The following ARB2A variants were observed in gnomAD, a reference collection of about 807,000 sequenced individuals.
ARB2A encodes cotranscriptional regulator ARB2A.
chr5:93,995,615 C>T, the ARB2A span, among the ~76,000 whole-genome samples: 1 of 152,142 alleles, frequency 6.6e-6, no homozygotes, highest in Non-Finnish European at 1.5e-5. Context: ...TTAGGGGCAT[C>T]AAGTTATAGG....
At chr5:93,681,917 A>AAATG in the ARB2A span, among the ~76,000 whole-genome samples, 1 of 152,216 alleles carries the variant, frequency 6.6e-6, no homozygotes. Context: ...TCCAAATGTC[A>AAATG]AATGGTAACT....
chr5:93,769,621 G>T, the ARB2A span, among the ~76,000 whole-genome samples: 2 of 152,124 alleles, frequency 1.3e-5, no homozygotes, highest in African/African-American at 2.4e-5. Context: ...CTTATTTGAT[G>T]CAACCTAATG....
the ARB2A span, among the ~76,000 whole-genome samples, chr5:93,676,860 G>C: frequency 1.4e-4 from 21 of 152,224 alleles, no homozygotes; most frequent in African/African-American, 4.8e-4. Flanking sequence ...CACATTTTTG[G>C]TGCTCAATGA....
chr5:93,752,884 G>A, the ARB2A span, among the ~76,000 whole-genome samples: 1 of 152,008 alleles, frequency 6.6e-6, no homozygotes, highest in Non-Finnish European at 1.5e-5. Context: ...TTATAAGGTA[G>A]CATACAACAA....
At chr5:94,049,278 C>G in the ARB2A span, among the ~76,000 whole-genome samples, 5 of 152,204 alleles carry the variant, frequency 3.3e-5, no homozygotes, top group African/African-American at 4.8e-5. Flanking sequence ...AAGGCCTACT[C>G]CTTTATCCAG....
chr5:93,977,029 A>G, the ARB2A span, among the ~76,000 whole-genome samples: 2 of 152,232 alleles, frequency 1.3e-5, no homozygotes, highest in East Asian at 3.9e-4. Flanking sequence ...AAAAATCTAA[A>G]AATACATCTA....
the ARB2A span, among the ~76,000 whole-genome samples, chr5:93,731,239 A>G: frequency 6.6e-6 from 1 of 152,122 alleles, no homozygotes; most frequent in Non-Finnish European, 1.5e-5. Flanking sequence ...ATCTTTACTG[A>G]GGTAATTAGG....
the ARB2A span, among the ~76,000 whole-genome samples, chr5:94,038,845 T>C: frequency 6.6e-6 from 1 of 151,894 alleles, no homozygotes; most frequent in Non-Finnish European, 1.5e-5. Context: ...TTTGTTTAGA[T>C]TTCTGGTTGA....
chr5:94,052,041 G>A, the ARB2A span, among the ~76,000 whole-genome samples: 2 of 152,080 alleles, frequency 1.3e-5, no homozygotes, highest in Non-Finnish European at 2.9e-5. Flanking sequence ...GGCTGGTCTT[G>A]AACTCCTGAC....
At chr5:94,019,564 AATGCAAATCAAATGAG>A in the ARB2A span, among the ~76,000 whole-genome samples, 1 of 152,226 alleles carries the variant, frequency 6.6e-6, no homozygotes, top group Non-Finnish European at 1.5e-5. Flanking sequence ...TCACTAGAGA[AATGCAAATCAAATGAG>A]ATACCATCTC....
At chr5:93,912,794 C>A in the ARB2A span, among the ~76,000 whole-genome samples, 2 of 151,752 alleles carry the variant, frequency 1.3e-5, no homozygotes, top group African/African-American at 4.8e-5. Flanking sequence ...TTTTCTTCTT[C>A]ATATTCCTTA....
the ARB2A span, among the ~76,000 whole-genome samples, chr5:94,106,131 A>G: frequency 6.6e-6 from 1 of 151,904 alleles, no homozygotes; most frequent in African/African-American, 2.4e-5. Context: ...AATTGAAAAG[A>G]AAGACCTAAT....
At chr5:93,665,307 CAACT>C in the ARB2A span, among the ~76,000 whole-genome samples, 2 of 151,948 alleles carry the variant, frequency 1.3e-5, no homozygotes, top group African/African-American at 2.4e-5. Context: ...ATAAGAAAAC[CAACT>C]GAGTCACAGA....
the ARB2A span, among the ~76,000 whole-genome samples, chr5:93,772,638 C>G: frequency 6.6e-6 from 1 of 152,182 alleles, no homozygotes; most frequent in Non-Finnish European, 1.5e-5. Flanking sequence ...GGGTTTCTCA[C>G]AAGACTACAA....
the ARB2A span, among the ~76,000 whole-genome samples, chr5:94,027,507 G>A: frequency 1.3e-5 from 2 of 152,160 alleles, no homozygotes; most frequent in African/African-American, 4.8e-5. Context: ...AGGAAGGACT[G>A]GGTCTGGAGA....
At chr5:93,627,687 G>T in the ARB2A span, among the ~76,000 whole-genome samples, 1 of 152,050 alleles carries the variant, frequency 6.6e-6, no homozygotes, top group South Asian at 2.1e-4. Context: ...TGATCTGCCC[G>T]CTTTGGCTTC....
chr5:94,102,152 C>A, the ARB2A span, among the ~76,000 whole-genome samples: 4 of 149,320 alleles, frequency 2.7e-5, no homozygotes, highest in African/African-American at 9.8e-5. Context: ...AATGACTGCA[C>A]CACCTGCCAA....
At chr5:93,880,717 T>C in the ARB2A span, among the ~76,000 whole-genome samples, 1 of 151,650 alleles carries the variant, frequency 6.6e-6, no homozygotes, top group Non-Finnish European at 1.5e-5. Context: ...TCTGAATATG[T>C]CCAAGTGTAA....
chr5:94,022,676 T>C, the ARB2A span, among the ~76,000 whole-genome samples: 1 of 152,228 alleles, frequency 6.6e-6, no homozygotes, highest in Non-Finnish European at 1.5e-5. Context: ...TGTCCAAATA[T>C]GGGCAAAGAG....
Sources: allele counts gnomAD v4.1 joint callset (sites outside exome capture counted in the v4.1 genomes callset), GRCh38; gene constraint gnomAD v4.1.1; transcripts MANE v1.5; gene names NCBI Gene and HGNC (gene_info 2026-07-23, HGNC 2026-07-21).